Variants in JARID2 observed in about 807,000 individuals in gnomAD.
JARID2 encodes protein Jumonji.
In JARID2, 21 loss-of-function variants were observed where a neutral mutation model predicts 125.6. That is an observed-to-expected ratio of 0.17 (90% CI 0.12 to 0.24). The LOEUF is 0.24. Among genes scored for constraint, JARID2 ranks in the 10% least tolerant of loss-of-function variants. The pLI is 1.00. For synonymous variants in JARID2, 736 were observed against 661.6 expected (o/e 1.11, Z -1.73); for missense variants, 1,303 against 1,639.6 (o/e 0.79, Z 3.55).
Position 15,393,343 on chromosome 6 carries a change from CTT to C in JARID2, c.182-16879_182-16878del, listed in dbSNP as rs1476564717. On this transcript the variant is annotated intron_variant, in intron 2 of 17. Coordinates refer to ENST00000341776, the MANE Select transcript of JARID2 (RefSeq NM_004973.4). Reference sequence around the variant, plus strand: ...AATTTATTGCTGAGTTCAAAATTATCTTTGTCTACCTTTGTCATTTACCTTAT... The same window carrying C: ...AATTTATTGCTGAGTTCAAAATTATCTGTCTACCTTTGTCATTTACCTTAT... Among the ~76,000 whole-genome samples the C allele has an allele frequency of 1.3e-5, 2 of 152,142 alleles. 1 individual carries two copies.
chr6:15,480,791 C>T (rs1769575519), intron 5 of JARID2, among the ~76,000 whole-genome samples: 1 of 152,112 alleles, frequency 6.6e-6, no homozygotes, highest in Non-Finnish European at 1.5e-5. Flanking sequence ...GAGGCCCAAA[C>T]GGGGTTGGTG....
At chr6:15,500,542 G>A (rs1013955408) in intron 7 of JARID2, among the ~76,000 whole-genome samples, 3 of 152,114 alleles carry the variant, frequency 2.0e-5, no homozygotes, top group Non-Finnish European at 2.9e-5. Context: ...CATGACACCC[G>A]CCTCCATGTG....
intron 3 of JARID2, among the ~76,000 whole-genome samples, chr6:15,416,375 C>T (rs550273339): frequency 6.6e-6 from 1 of 152,328 alleles, no homozygotes; most frequent in East Asian, 1.9e-4. Flanking sequence ...GAGATCACGC[C>T]ACTGCACTCC....
intron 3 of JARID2, among the ~76,000 whole-genome samples, chr6:15,424,132 TC>T (rs1766621691): frequency 7.1e-6 from 1 of 140,172 alleles, no homozygotes; most frequent in Non-Finnish European, 1.6e-5. Context: ...CCTGGCTGCC[TC>T]TTTTTTTTTT....
At chr6:15,497,699 C>T (rs1262228562) in intron 7 of JARID2, among the ~76,000 whole-genome samples, 1 of 152,054 alleles carries the variant, frequency 6.6e-6, no homozygotes, top group Non-Finnish European at 1.5e-5. Context: ...AGCCCCCACT[C>T]TGGGTCTGGG....
At chr6:15,344,106 T>TTTTTTTA in intron 1 of JARID2, among the ~76,000 whole-genome samples, 2 of 5,418 alleles carry the variant, frequency 3.7e-4, no homozygotes, top group Non-Finnish European at 5.8e-4. Flanking sequence ...ATGTAGTGAT[T>TTTTTTTA]TTTTTTTTTT....
intron 4 of JARID2, among the ~76,000 whole-genome samples, chr6:15,458,054 A>G (rs933936351): frequency 6.6e-6 from 1 of 152,188 alleles, no homozygotes; most frequent in African/African-American, 2.4e-5. Context: ...GTCTCTTGCC[A>G]GAGGCATAAT....
Position 15,470,360 on chromosome 6 carries a change from G to GCC in JARID2, c.670+1642_670+1643insCC, listed in dbSNP as rs370640640. 3.9e-3 allele frequency among the ~76,000 whole-genome samples: 589 copies of GCC among 152,294 alleles called. 4 individuals are homozygous for GCC. The highest frequency in any genetic ancestry group is 0.02 in the Middle Eastern group (6 of 294). On this transcript the variant is annotated intron_variant, in intron 5 of 17. Transcript: ENST00000341776. ...AAATGGCGGAAAATCAGTGCTGTCT[G>GCC]TAAGTGATTGAGGCAAAGGAGAGCT...
chr6:15,453,219 T>A (rs1768001063), intron 4 of JARID2, among the ~76,000 whole-genome samples: 1 of 152,216 alleles, frequency 6.6e-6, no homozygotes, highest in African/African-American at 2.4e-5. Flanking sequence ...ATGTCCAAGT[T>A]TAGAGCAAAA....
chr6:15,390,620 T>C (rs1428030149), intron 2 of JARID2, among the ~76,000 whole-genome samples: 4 of 152,212 alleles, frequency 2.6e-5, no homozygotes, highest in African/African-American at 9.6e-5. Flanking sequence ...TAGGCAGTTG[T>C]TGACAGAGCT....
At position 15,468,630 on chromosome 6, in the gene JARID2, C is replaced by T. The variant is rs140934347; in HGVS notation, c.582C>T (p.Asp194=). 3.1e-4 allele frequency: 500 copies of T among 1,613,894 alleles called. No individual in the cohort carries two copies. Among genetic ancestry groups the T allele is most frequent in the Non-Finnish European group, 4.0e-4 (474 of 1,179,968 alleles). The change falls in exon 5 of 18, where the codon GAC becomes GAT. Residue 194 remains aspartate, a synonymous_variant. Transcript: ENST00000341776. ...EVEEEDDETE[D]VKTATNNASS... is the part of the protein sequence containing the mutation. ...AGGAGGAAGATGATGAGACAGAAGA[C>T]GTCAAAACAGCCACCAACAATGCTT...
intron 2 of JARID2, among the ~76,000 whole-genome samples, chr6:15,384,889 A>C (rs1764726841): frequency 6.6e-6 from 1 of 152,128 alleles, no homozygotes; most frequent in African/African-American, 2.4e-5. Context: ...AACCTGTTTG[A>C]AACTCACAGT....
In JARID2 at chr6:15,246,507, G is replaced by C. The variant is rs1406316121; in HGVS notation, c.-33G>C. The C allele has an allele frequency of 1.9e-6, 3 of 1,598,416 alleles. No individual in the cohort carries two copies. The East Asian group carries it at 6.7e-5, about 36-fold the overall frequency. On this transcript the variant is annotated 5_prime_UTR_variant, in exon 1 of 18. Coordinates refer to ENST00000341776, the MANE Select transcript of JARID2 (RefSeq NM_004973.4). The stretch of plus-strand genomic sequence containing the variant: ...ACGGCTTTAAATTCATGAAGCAATT[G>C]TCCCCTTTTGCAATCAGCATTTGGA...
At chr6:15,513,550 G>T in intron 16 of JARID2, 128 bp downstream of exon 16, 6 of 937,516 alleles carry the variant, frequency 6.4e-6, no homozygotes, top group Non-Finnish European at 9.3e-6. Context: ...TCTGGAGCCG[G>T]CTGTGGGACC....
intron 1 of JARID2, among the ~76,000 whole-genome samples, chr6:15,310,131 A>G (rs1761965951): frequency 2.0e-5 from 3 of 152,194 alleles, no homozygotes. Context: ...CTGGTGAAAC[A>G]GATGAATTCC....
intron 6 of JARID2, among the ~76,000 whole-genome samples, chr6:15,488,015 G>A (rs1356769430): frequency 1.3e-5 from 2 of 152,122 alleles, no homozygotes; most frequent in African/African-American, 2.4e-5. Context: ...GTGCACTGCC[G>A]AGCAGTCTGT....
At chr6:15,507,530 A>G in intron 11 of JARID2, 114 bp downstream of exon 11, 2 of 769,916 alleles carry the variant, frequency 2.6e-6, no homozygotes, top group Non-Finnish European at 4.4e-6. Context: ...TGGCGTCTTC[A>G]GGCTTACAGG....
chr6:15,381,806 T>C (rs1352346694), intron 2 of JARID2, among the ~76,000 whole-genome samples: 1 of 152,234 alleles, frequency 6.6e-6, no homozygotes. Context: ...CCTTATTTCA[T>C]CCCTTCTAAG....
At chr6:15,406,972 A>G (rs990750546) in intron 2 of JARID2, among the ~76,000 whole-genome samples, 11 of 152,156 alleles carry the variant, frequency 7.2e-5, no homozygotes, top group Non-Finnish European at 1.0e-4. Context: ...GATAAAAGGT[A>G]CATGAGGCCA....
Sources: gnomAD v4.1 joint callset for allele counts (sites outside exome capture counted in the v4.1 genomes callset) on GRCh38, gnomAD v4.1.1 for gene constraint, MANE v1.5 for transcripts, NCBI Gene and HGNC (gene_info 2026-07-23, HGNC 2026-07-21) for gene names.